Variants in BUB1 observed in about 807,000 individuals in gnomAD.
BUB1 encodes mitotic checkpoint serine/threonine-protein kinase BUB1.
In BUB1, 84 loss-of-function variants were observed where a neutral mutation model predicts 135.2. That is an observed-to-expected ratio of 0.62 (90% CI 0.52 to 0.74). BUB1 has a LOEUF of 0.74. Ranked by LOEUF, BUB1 falls within the 30% of genes least tolerant of loss-of-function variation. The pLI is 0.00. For missense variants in BUB1, 1,162 were observed against 1,288.3 expected (o/e 0.90, Z 1.50); for synonymous variants, 403 against 434.4 (o/e 0.93, Z 0.90).
chr2:110,640,444 T>C (rs1559162766), intron 23 of BUB1, among the ~76,000 whole-genome samples: 1 of 152,116 alleles, frequency 6.6e-6, no homozygotes, highest in East Asian at 1.9e-4. Context: ...GTTCAAAATA[T>C]TTCATTTATC....
rs370489134 is a variant in BUB1, at chr2:110,644,209, G to A, written c.2348-1975C>T. On this transcript the variant is annotated intron_variant, in intron 19 of 24. Transcript: ENST00000302759. ...AACAGACAAAAATATCTGAGGCCGGGTGCAGCGGCTCACACCTGTAATCCC... is the reference window on the plus strand; with the variant it reads ...AACAGACAAAAATATCTGAGGCCGGATGCAGCGGCTCACACCTGTAATCCC... Among the ~76,000 whole-genome samples, 35 of 152,072 alleles carry A rather than the reference G, an allele frequency of 2.3e-4. No individual in the cohort carries two copies. In the East Asian group the frequency reaches 4.1e-3, roughly 18 times the overall value.
chr2:110,663,927 G>A (rs1690169539), intron 9 of BUB1, among the ~76,000 whole-genome samples: 1 of 151,762 alleles, frequency 6.6e-6, no homozygotes, highest in Admixed American at 6.6e-5. Flanking sequence ...TACTCAGGAG[G>A]CTGAGGCAGG....
At chr2:110,671,934 C>T (rs923646013) in intron 4 of BUB1, among the ~76,000 whole-genome samples, 1 of 152,078 alleles carries the variant, frequency 6.6e-6, no homozygotes, top group Non-Finnish European at 1.5e-5. Context: ...GAAATATATT[C>T]ATCACAGGCC....
chr2:110,653,572 G>C (rs777497244), intron 16 of BUB1, 49 bp from the exon 17 acceptor site: 1 of 1,446,134 alleles, frequency 6.9e-7, no homozygotes, highest in South Asian at 1.1e-5. Flanking sequence ...GCACATGTGT[G>C]CACAACACAC....
chr2:110,643,340 G>A (rs941309963), intron 19 of BUB1, among the ~76,000 whole-genome samples: 8 of 152,162 alleles, frequency 5.3e-5, no homozygotes, highest in African/African-American at 1.2e-4. Context: ...TAAAAAGTCC[G>A]TAGGGAAACC....
At position 110,655,754 on chromosome 2, in the gene BUB1, T is replaced by C. The variant is rs767216874; in HGVS notation, c.1861A>G (p.Ile621Val). 3 of 1,613,538 alleles carry C rather than the reference T, an allele frequency of 1.9e-6. No individual in the cohort carries two copies. The South Asian group carries it at 3.3e-5, about 18-fold the overall frequency. The part of the protein sequence containing the change: ...FHKLPVESVH[I>V]LEDKENVVAK... ...TAACACACACCTTTATCTTCTAAAA[T>C]GTGCACTGACTCCACTGGAAGCTTG... Residue 621 changes from isoleucine to valine, a missense_variant, in exon 16 of 25, where the codon ATT becomes GTT. Coordinates refer to ENST00000302759, the MANE Select transcript of BUB1 (RefSeq NM_004336.5).
chr2:110,644,478 C>CA (rs57312823), intron 19 of BUB1, among the ~76,000 whole-genome samples: 11,874 of 62,980 alleles, frequency 0.19, 1,464 homozygotes, highest in African/African-American at 0.39. Context: ...AACCCCGTCT[C>CA]AAAAAAAAAA....
intron 9 of BUB1, among the ~76,000 whole-genome samples, chr2:110,664,903 T>C (rs998170312): frequency 6.6e-6 from 1 of 152,176 alleles, no homozygotes; most frequent in African/African-American, 2.4e-5. Flanking sequence ...CATCAGGTGC[T>C]TGAAAAGATT....
chr2:110,645,432 A>G (rs1689617311), intron 19 of BUB1, among the ~76,000 whole-genome samples: 1 of 149,730 alleles, frequency 6.7e-6, no homozygotes, highest in Non-Finnish European at 1.5e-5. Flanking sequence ...ATAGAGCGAG[A>G]CTCCTTCTCA....
chr2:110,677,858 A>G (rs1690634766), intron 1 of BUB1, 112 bp downstream of exon 1: 1 of 1,327,942 alleles, frequency 7.5e-7, no homozygotes, highest in African/African-American at 1.5e-5. Context: ...CACATTCCAA[A>G]CCCAGGAAGG....
chr2:110,640,467 C>A (rs1319394537), intron 23 of BUB1, among the ~76,000 whole-genome samples: 1 of 152,084 alleles, frequency 6.6e-6, no homozygotes, highest in African/African-American at 2.4e-5. Context: ...AATTAGCATT[C>A]TCCTCCCTGG....
At chr2:110,658,776 G>A in intron 11 of BUB1, 34 bp from the exon 12 acceptor site, 1 of 1,611,624 alleles carries the variant, frequency 6.2e-7, no homozygotes, top group Non-Finnish European at 8.5e-7. Context: ...TGTGGTATCA[G>A]TAGGGAAATC....
chr2:110,650,142 T>C (rs1689741887), intron 18 of BUB1, among the ~76,000 whole-genome samples: 1 of 118,284 alleles, frequency 8.5e-6, no homozygotes. Flanking sequence ...ACATAGTCAG[T>C]CCATCTCCAG....
At chr2:110,647,494 T>C (rs1017527897) in intron 19 of BUB1, among the ~76,000 whole-genome samples, 9 of 151,692 alleles carry the variant, frequency 5.9e-5, no homozygotes, top group Non-Finnish European at 1.5e-5. Flanking sequence ...TATAATCATA[T>C]CAATAAATGC....
chr2:110,675,603 T>C (rs1167619783), intron 1 of BUB1, among the ~76,000 whole-genome samples: 2 of 151,940 alleles, frequency 1.3e-5, no homozygotes, highest in Admixed American at 6.6e-5. Flanking sequence ...TGAGACACTA[T>C]AAGATTTTTT....
At chr2:110,677,921 A>C (rs1449280246) in intron 1 of BUB1, 49 bp downstream of exon 1, 1 of 1,584,302 alleles carries the variant, frequency 6.3e-7, no homozygotes. Context: ...CCCGAACCCC[A>C]GGCGCCCCAG....
intron 4 of BUB1, among the ~76,000 whole-genome samples, chr2:110,672,020 G>T (rs1457362720): frequency 6.6e-6 from 1 of 152,056 alleles, no homozygotes; most frequent in Non-Finnish European, 1.5e-5. Flanking sequence ...TGAGGTCAGG[G>T]GTTCAAGACC....
chr2:110,673,807 C>G (rs1381397719), intron 3 of BUB1, among the ~76,000 whole-genome samples: 2 of 152,130 alleles, frequency 1.3e-5, no homozygotes, highest in Admixed American at 1.3e-4. Flanking sequence ...CCACGTTGGC[C>G]AGGCTGGTCT....
intron 1 of BUB1, 61 bp from the exon 2 acceptor site, chr2:110,674,426 T>C: frequency 6.7e-7 from 1 of 1,482,380 alleles, no homozygotes; most frequent in South Asian, 1.2e-5. Flanking sequence ...GCAAAAGATA[T>C]ACTTCATTTT....
Sources: gnomAD v4.1 joint callset for allele counts (sites outside exome capture counted in the v4.1 genomes callset) on GRCh38, gnomAD v4.1.1 for gene constraint, MANE v1.5 for transcripts, NCBI Gene and HGNC (gene_info 2026-07-23, HGNC 2026-07-21) for gene names.